Variants in ATXN2L observed in about 807,000 individuals in gnomAD.
ATXN2L encodes ataxin-2-like protein.
Under a neutral mutation model 120.7 loss-of-function variants are expected in ATXN2L, and 24 were observed. The ratio of observed to expected loss-of-function variants is 0.20; its 90% CI spans 0.14 to 0.28. ATXN2L has a LOEUF of 0.28. Among genes scored for constraint, ATXN2L ranks in the 10% least tolerant of loss-of-function variants. ATXN2L has a pLI of 1.00. For missense variants in ATXN2L, 1,312 were observed against 1,432.3 expected (o/e 0.92, Z 1.36); for synonymous variants, 653 against 568.1 (o/e 1.15, Z -2.13).
At chr16:28,828,498 A>G (rs2053092827) in intron 6 of ATXN2L, among the ~76,000 whole-genome samples, 1 of 151,876 alleles carries the variant, frequency 6.6e-6, no homozygotes, top group Non-Finnish European at 1.5e-5. Context: ...AGGCAGGAGA[A>G]TCGCTTGAAC....
intron 10 of ATXN2L, among the ~76,000 whole-genome samples, chr16:28,831,752 C>T (rs773133786): frequency 4.6e-5 from 7 of 152,116 alleles, no homozygotes; most frequent in Admixed American, 6.6e-5. Context: ...GGCTTGATGG[C>T]GTGCACCTGT....
intron 18 of ATXN2L, 81 bp from the exon 19 acceptor site, chr16:28,834,977 G>A: frequency 6.5e-7 from 1 of 1,534,216 alleles, no homozygotes. Context: ...GGCCCAAGCG[G>A]TGCTGTGCAC....
At chr16:28,830,829 G>T in intron 9 of ATXN2L, 39 bp downstream of exon 9, 1 of 1,561,422 alleles carries the variant, frequency 6.4e-7, no homozygotes, top group Non-Finnish European at 8.7e-7. Context: ...GGGCAGGGAA[G>T]GGGATGCCAA....
chr16:28,834,591 T>G lies in ATXN2L; in HGVS notation c.2331T>G (p.Pro777=). The change falls in exon 18 of 22, where the codon CCT becomes CCG. Residue 777 remains proline, a synonymous_variant. Transcript: ENST00000336783. ...AGGCCGCCGCGGCTGCTGGCCCGCC[T>G]CTGGTGGCTGCCACGCCCTATTCTT... The part of the protein sequence containing the change: ...MMQAAAAAGP[P]LVAATPYSSY... 1 of 1,613,528 alleles carries G rather than the reference T, an allele frequency of 6.2e-7. No individual in the cohort carries two copies. Among genetic ancestry groups the G allele is most frequent in the Non-Finnish European group, 8.5e-7 (1 of 1,179,924 alleles).
chr16:28,834,097 G>A lies in ATXN2L; in HGVS notation c.2058G>A (p.Gly686=), dbSNP rs1321692254. The change falls in exon 16 of 22, where the codon GGG becomes GGA. Residue 686 remains glycine, a synonymous_variant. Coordinates refer to ENST00000336783, the MANE Select transcript of ATXN2L (RefSeq NM_007245.4). The part of the protein sequence containing the change: ...NKSTSTPTSP[G]PRTHSTPSIP... ...CCACCAGTACCCCAACTTCTCCGGGGCCCCGGACTCATTCAACTCCCTCCA... is the reference window on the plus strand; with the variant it reads ...CCACCAGTACCCCAACTTCTCCGGGACCCCGGACTCATTCAACTCCCTCCA... The A allele has an allele frequency of 1.2e-6, 2 of 1,614,140 alleles. No homozygotes were observed. The highest frequency in any genetic ancestry group is 1.7e-6 in the Non-Finnish European group (2 of 1,180,012).
In ATXN2L at chr16:28,826,515, T is replaced by C. The variant is rs182963035; in HGVS notation, c.616+125T>C. ...TTTTGTTTTTGTTTGTTTGTTTTGCTTTAATGCCTTTTTTTTCCTGAGCGA... is the reference window on the plus strand; with the variant it reads ...TTTTGTTTTTGTTTGTTTGTTTTGCCTTAATGCCTTTTTTTTCCTGAGCGA... On this transcript the variant is annotated intron_variant, in intron 5 of 21. Coordinates refer to ENST00000336783, the MANE Select transcript of ATXN2L (RefSeq NM_007245.4). The C allele has an allele frequency of 2.5e-4, 286 of 1,140,448 alleles. No individual in the cohort carries two copies. In the African/African-American group the frequency reaches 3.8e-3, roughly 15 times the overall value. 70.6% of individuals were successfully genotyped at this position (1,140,448 alleles called of 1,614,324 possible).
chr16:28,834,156 A>G lies in ATXN2L; in HGVS notation c.2117A>G (p.Tyr706Cys). 1 of 1,614,118 alleles carries G rather than the reference A, an allele frequency of 6.2e-7. No homozygotes were observed. Among genetic ancestry groups the G allele is most frequent in the Non-Finnish European group, 8.5e-7 (1 of 1,180,004 alleles). ...PVLTAGQSGL[Y>C]SPQYISYIPQ... is the part of the protein sequence containing the mutation. ...CTGACAGCAGGCCAGAGTGGGCTAT[A>G]CAGCCCCCAGTACATCTCCTACATA... Residue 706 changes from tyrosine (Y) to cysteine (C), a missense_variant, in exon 16 of 22, where the codon TAC becomes TGC. Transcript: ENST00000336783.
chr16:28,836,759 C>T lies in ATXN2L; in HGVS notation c.*494C>T. The T allele has an allele frequency of 6.2e-7, 1 of 1,613,982 alleles. No homozygotes were observed. On this transcript the variant is annotated 3_prime_UTR_variant, in exon 22 of 22. Transcript: ENST00000336783. ...CTCATCCCTCCCAGCAGCTCCCCTTCCACCCCCCGGGGAACTGAAGATTGT... is the reference window on the plus strand; with the variant it reads ...CTCATCCCTCCCAGCAGCTCCCCTTTCACCCCCCGGGGAACTGAAGATTGT...
intron 13 of ATXN2L, 74 bp from the exon 14 acceptor site, chr16:28,832,985 C>T (rs1282553078): frequency 6.3e-7 from 1 of 1,590,174 alleles, no homozygotes; most frequent in Non-Finnish European, 8.6e-7. Context: ...GAGATGAGAT[C>T]AAAAAAGGAT....
At position 28,834,493 on chromosome 16, in the gene ATXN2L, C is replaced by T. The variant is rs752537879; in HGVS notation, c.2246-13C>T. ...GGTGGAGCTTGAGCTCTCCTCTCCT[C>T]CTCCTCTTCCAGGCTCCCTTCCTCC... On this transcript the variant is annotated splice_polypyrimidine_tract_variant and intron_variant, in intron 17 of 21. Coordinates refer to ENST00000336783, the MANE Select transcript of ATXN2L (RefSeq NM_007245.4). 9 of 1,612,628 alleles carry T rather than the reference C, an allele frequency of 5.6e-6. No individual in the cohort carries two copies. The Admixed American group carries it at 1.2e-4, about 21-fold the overall frequency.
At chr16:28,828,497 AAT>A (rs1227985477) in intron 6 of ATXN2L, among the ~76,000 whole-genome samples, 1 of 151,846 alleles carries the variant, frequency 6.6e-6, no homozygotes, top group Non-Finnish European at 1.5e-5. Flanking sequence ...GAGGCAGGAG[AAT>A]CGCTTGAACC....
chr16:28,835,424 TG>T lies in ATXN2L; in HGVS notation c.2685+27del, dbSNP rs770421492. The T allele has an allele frequency of 3.7e-6, 6 of 1,612,028 alleles. No homozygotes were observed. The East Asian group carries it at 1.3e-4, about 36-fold the overall frequency. The stretch of plus-strand genomic sequence containing the variant: ...GGTGCCTGCCATGGGGGGTGCTGAG[TG>T]GTCCTGGTGCAGGAATGGGTGGCCA... On this transcript the variant is annotated intron_variant, in intron 20 of 21. Transcript: ENST00000336783.
Position 28,825,378 on chromosome 16 carries a change from A to C in ATXN2L, c.312A>C (p.Thr104=). The C allele has an allele frequency of 6.2e-7, 1 of 1,614,014 alleles. No individual in the cohort carries two copies. Among genetic ancestry groups the C allele is most frequent in the Non-Finnish European group, 8.5e-7 (1 of 1,179,940 alleles). ...AAIGSARGQS[T]GKGPPQSPVF... ...TTTTCTTTTATAGGGGACAGAGCAC[A>C]GGAAAGGGACCCCCACAGTCACCTG... Residue 104 remains threonine, a synonymous_variant, in exon 2 of 22, where the codon ACA becomes ACC. Coordinates refer to ENST00000336783, the MANE Select transcript of ATXN2L (RefSeq NM_007245.4).
At chr16:28,834,443 C>T (rs368596629) in intron 17 of ATXN2L, 28 bp downstream of exon 17, 112 of 1,613,322 alleles carry the variant, frequency 6.9e-5, no homozygotes, top group Non-Finnish European at 9.3e-5. Flanking sequence ...GGGCAGGCGG[C>T]GAGGCTGCCA....
chr16:28,831,138 A>G lies in ATXN2L; in HGVS notation c.1321+66A>G, dbSNP rs2054253332. On this transcript the variant is annotated intron_variant, in intron 10 of 21. Coordinates refer to ENST00000336783, the MANE Select transcript of ATXN2L (RefSeq NM_007245.4). ...TTTGTAAAGAGATGTAAATATGTCC[A>G]TTTGTTACAGTGCTGGAATGGGAGA... 2.7e-6 allele frequency: 3 copies of G among 1,121,312 alleles called. No homozygotes were observed. The Admixed American group carries it at 6.9e-5, about 26-fold the overall frequency. The allele number at this position is 1,121,312 out of a possible 1,614,324, so 69.5% of individuals were successfully genotyped here.
In ATXN2L at chr16:28,832,301, C is replaced by T; in HGVS notation, c.1418C>T (p.Thr473Ile). ...CCTCCCATCGGCTCGGCAGTGCCAACCTCTTCAGCCTCCATCCCTGTGACC... is the reference window on the plus strand; with the variant it reads ...CCTCCCATCGGCTCGGCAGTGCCAATCTCTTCAGCCTCCATCCCTGTGACC... Reference protein sequence around the residue: ...PEPPIGSAVPTSSASIPVTSS... With the variant: ...PEPPIGSAVPISSASIPVTSS... The change falls in exon 11 of 22, where the codon ACC becomes ATC. Residue 473 changes from threonine to isoleucine, a missense_variant. By Grantham distance (89) the Thr-to-Ile change is moderately conservative (BLOSUM62 -1). Coordinates refer to ENST00000336783, the MANE Select transcript of ATXN2L (RefSeq NM_007245.4). 1 of 1,614,160 alleles carries T rather than the reference C, an allele frequency of 6.2e-7. No individual in the cohort carries two copies. The highest frequency in any genetic ancestry group is 8.5e-7 in the Non-Finnish European group (1 of 1,180,040).
Position 28,832,187 on chromosome 16 carries a change from C to A in ATXN2L, c.1322-18C>A. ...TTGACCAGCAGTAACCATCCTACAG[C>A]TCCCCCTTTTCTTCCAGTGGGCCGG... On this transcript the variant is annotated intron_variant, in intron 10 of 21. Transcript: ENST00000336783. 1 of 1,613,892 alleles carries A rather than the reference C, an allele frequency of 6.2e-7. No individual in the cohort carries two copies. The highest frequency in any genetic ancestry group is 8.5e-7 in the Non-Finnish European group (1 of 1,179,840).
Position 28,834,430 on chromosome 16 carries a change from GA to G in ATXN2L, c.2245+16del, listed in dbSNP as rs763032293. 1 of 1,613,990 alleles carries G rather than the reference GA, an allele frequency of 6.2e-7. No individual in the cohort carries two copies. The highest frequency in any genetic ancestry group is 1.1e-5 in the South Asian group (1 of 91,076). ...GGGAGCAAAAGGTGAGCAGGGCTGG[GA>G]GGGGCAGGCGGCGAGGCTGCCAAGG... On this transcript the variant is annotated intron_variant, in intron 17 of 21. Transcript: ENST00000336783.
chr16:28,833,212 G>A lies in ATXN2L; in HGVS notation c.1813G>A (p.Asp605Asn). 2 of 1,614,188 alleles carry A rather than the reference G, an allele frequency of 1.2e-6. No individual in the cohort carries two copies. The highest frequency in any genetic ancestry group is 1.1e-5 in the South Asian group (1 of 91,084). The change falls in exon 14 of 22, where the codon GAT becomes AAT. Residue 605 changes from aspartate to asparagine, a missense_variant. Asp to Asn is a conservative substitution (Grantham distance 23). Transcript: ENST00000336783. ...PVSSKTESVS[D>N]KEDKPPLAPS... ...CTCCTCCAAGACAGAGTCCGTATCG[G>A]ATAAGGAGGACAAACCACCCCTGGC...
Sources: gnomAD v4.1 joint callset for allele counts (sites outside exome capture counted in the v4.1 genomes callset) on GRCh38, gnomAD v4.1.1 for gene constraint, MANE v1.5 for transcripts, NCBI Gene and HGNC (gene_info 2026-07-23, HGNC 2026-07-21) for gene names.